RASAL2: variants seen among roughly 807,000 people sequenced by gnomAD.
RASAL2 encodes the protein ras GTPase-activating protein nGAP.
A neutral mutation model predicts 128.9 loss-of-function variants in RASAL2; 58 were observed. The observed-to-expected ratio is 0.45, with a 90% CI of 0.36 to 0.56. The LOEUF is 0.56. Among genes scored for constraint, RASAL2 ranks in the 20% least tolerant of loss-of-function variants. The pLI is 0.00. For synonymous variants in RASAL2, 561 were observed against 580.8 expected, an observed-to-expected ratio of 0.97 and a Z score of 0.49; for missense variants, 1,360 against 1,601.6, an observed-to-expected ratio of 0.85 and a Z score of 2.57.
intron 1 of RASAL2, among the ~76,000 whole-genome samples, chr1:178,151,991 T>C (rs1011858366): frequency 1.3e-5 from 2 of 152,186 alleles, no homozygotes; most frequent in Non-Finnish European, 2.9e-5. Context: ...TGGAGTTTCC[T>C]GAGTGTTAGG....
At chr1:178,173,901 C>CT (rs201900537) in intron 1 of RASAL2, among the ~76,000 whole-genome samples, 11,072 of 34,064 alleles carry the variant, frequency 0.33, 791 homozygotes, top group African/African-American at 0.46. Flanking sequence ...GAAAAACAAG[C>CT]TTTTTTTTTT....
chr1:178,201,559 C>T (rs1281973904), intron 1 of RASAL2, among the ~76,000 whole-genome samples: 1 of 152,174 alleles, frequency 6.6e-6, no homozygotes, highest in East Asian at 1.9e-4. Flanking sequence ...GAACTGCAGT[C>T]GTTCAACTAC....
At chr1:178,465,769 G>C in intron 15 of RASAL2, 151 bp from the exon 16 acceptor site, 1 of 643,308 alleles carries the variant, frequency 1.6e-6, no homozygotes, top group South Asian at 2.3e-5. Context: ...AGCACAGCCA[G>C]CATCTAGCTA....
chr1:178,293,729 G>T (rs1667378942), intron 2 of RASAL2, among the ~76,000 whole-genome samples: 1 of 152,194 alleles, frequency 6.6e-6, no homozygotes. Flanking sequence ...AAGGTTTGGG[G>T]ATTTACTGGT....
In RASAL2 at chr1:178,094,185, C is replaced by G; in HGVS notation, c.-308C>G. ...AGGTGGGAGGGCGAGCCTCCCCTCC[C>G]GGGTTCTTCTGCGTCCTCTCCCGGG... On this transcript the variant is annotated 5_prime_UTR_variant, in exon 1 of 18. Coordinates refer to ENST00000367649, the MANE Select transcript of RASAL2 (RefSeq NM_170692.4). The G allele has an allele frequency of 2.5e-6, 1 of 397,982 alleles. No homozygotes were observed. The highest frequency in any genetic ancestry group is 4.7e-5 in the East Asian group (1 of 21,092). 24.7% of individuals were successfully genotyped at this position (397,982 alleles called of 1,614,324 possible).
At chr1:178,343,626 G>C (rs987133815) in intron 3 of RASAL2, among the ~76,000 whole-genome samples, 4 of 152,064 alleles carry the variant, frequency 2.6e-5, no homozygotes, top group African/African-American at 4.8e-5. Context: ...TTAATCTATT[G>C]CTGGTATTTT....
intron 3 of RASAL2, among the ~76,000 whole-genome samples, chr1:178,324,131 G>A (rs1415247414): frequency 6.6e-6 from 1 of 152,186 alleles, no homozygotes; most frequent in East Asian, 1.9e-4. Context: ...AAAGAAGAAT[G>A]CAGGAGCAAT....
At chr1:178,136,756 C>CAAAAAAAAAAAAA (rs397982072) in intron 1 of RASAL2, among the ~76,000 whole-genome samples, 8 of 47,206 alleles carry the variant, frequency 1.7e-4, no homozygotes, top group African/African-American at 7.1e-4. Context: ...GACTCTGTCT[C>CAAAAAAAAAAAAA]AAAAAAAAAA....
rs535273509 is a variant in RASAL2, at chr1:178,450,991, A to G, written c.1628-580A>G. Among the ~76,000 whole-genome samples the G allele has an allele frequency of 2.6e-5, 4 of 152,306 alleles. No homozygotes were observed. In the South Asian group the frequency reaches 8.3e-4, roughly 32 times the overall value. On this transcript the variant is annotated intron_variant, in intron 9 of 17. Transcript: ENST00000367649. ...TCTTCATAGAGCATAGGCCGTATGA[A>G]CACGGCTTCTAAACTAAATTTATAT...
Position 178,134,418 on chromosome 1 carries a change from A to G in RASAL2, c.202+39724A>G, listed in dbSNP as rs527844998. On this transcript the variant is annotated intron_variant, in intron 1 of 17. Transcript: ENST00000367649. Reference sequence around the variant, plus strand: ...GGCTGTAGTGAGCCGTGATCGTGGCATGGCACCCCAGCCTAGGTGGCAAAG... The same window carrying G: ...GGCTGTAGTGAGCCGTGATCGTGGCGTGGCACCCCAGCCTAGGTGGCAAAG... Among the ~76,000 whole-genome samples the G allele has an allele frequency of 4.2e-5, 6 of 144,290 alleles. 1 individual carries two copies. The East Asian group carries it at 8.3e-4, about 20-fold the overall frequency. 94.7% of individuals were successfully genotyped at this position (144,290 alleles called of 152,430 possible).
intron 5 of RASAL2, among the ~76,000 whole-genome samples, chr1:178,421,754 A>T (rs970473253): frequency 1.3e-5 from 2 of 152,034 alleles, no homozygotes. Flanking sequence ...TATTTTGTAA[A>T]TGAAGGGACT....
At chr1:178,300,971 T>A (rs892605951) in intron 3 of RASAL2, among the ~76,000 whole-genome samples, 1 of 152,220 alleles carries the variant, frequency 6.6e-6, no homozygotes, top group Non-Finnish European at 1.5e-5. Flanking sequence ...TCTATGGTGA[T>A]CAGTATGGAT....
intron 14 of RASAL2, among the ~76,000 whole-genome samples, chr1:178,459,355 TC>T (rs1410940756): frequency 6.6e-6 from 1 of 151,810 alleles, no homozygotes; most frequent in Non-Finnish European, 1.5e-5. Flanking sequence ...ATATAATTTT[TC>T]ATGTATATAA....
intron 4 of RASAL2, among the ~76,000 whole-genome samples, chr1:178,408,677 T>C (rs1340049132): frequency 6.6e-6 from 1 of 151,938 alleles, no homozygotes; most frequent in Non-Finnish European, 1.5e-5. Context: ...ATTACATTTC[T>C]GGCTGTTTAT....
rs569550834 is a variant in RASAL2 at position 178,446,214 on chromosome 1, C to T, written c.1627+552C>T. Among the ~76,000 whole-genome samples the T allele has an allele frequency of 4.6e-5, 7 of 152,214 alleles. No homozygotes were observed. In the South Asian group the frequency reaches 1.2e-3, roughly 27 times the overall value. On this transcript the variant is annotated intron_variant, in intron 9 of 17. Transcript: ENST00000367649. ...TTGGTCATGAAATTGAGGCATTAAC[C>T]GCTAGAGTAAGGTACTGTGCTGGTC...
chr1:178,291,624 T>C (rs1001801304), intron 2 of RASAL2, among the ~76,000 whole-genome samples: 3 of 152,272 alleles, frequency 2.0e-5, no homozygotes, highest in Non-Finnish European at 4.4e-5. Context: ...TACATTGCTT[T>C]ACTTGAATAA....
chr1:178,366,588 C>G (rs1671413994), intron 3 of RASAL2, among the ~76,000 whole-genome samples: 2 of 81,070 alleles, frequency 2.5e-5, no homozygotes, highest in African/African-American at 7.1e-5. Flanking sequence ...CTCCCACCCC[C>G]CCCCGCCAAA....
intron 2 of RASAL2, among the ~76,000 whole-genome samples, chr1:178,296,292 T>G (rs1667505528): frequency 6.6e-6 from 1 of 152,138 alleles, no homozygotes; most frequent in Non-Finnish European, 1.5e-5. Context: ...TAACACATCT[T>G]AGATACCTGA....
intron 8 of RASAL2, among the ~76,000 whole-genome samples, chr1:178,444,214 A>T (rs1228771444): frequency 1.3e-5 from 2 of 152,124 alleles, no homozygotes; most frequent in African/African-American, 4.8e-5. Context: ...ACTTTTTTAA[A>T]TGACTTAATA....
Sources: gnomAD v4.1 joint callset for allele counts (sites outside exome capture counted in the v4.1 genomes callset) on GRCh38, gnomAD v4.1.1 for gene constraint, MANE v1.5 for transcripts, NCBI Gene and HGNC (gene_info 2026-07-23, HGNC 2026-07-21) for gene names.